TSC22D1: variants seen among roughly 807,000 people sequenced by gnomAD.
TSC22D1 encodes TSC22 domain family protein 1.
A neutral mutation model predicts 74.2 loss-of-function variants in TSC22D1; 9 were observed. The observed-to-expected ratio is 0.12, with a 90% CI of 0.07 to 0.21. TSC22D1 has a LOEUF of 0.21. Among genes scored for constraint, TSC22D1 ranks in the 10% least tolerant of loss-of-function variants. TSC22D1 has a pLI of 1.00. For missense variants in TSC22D1, 1,427 were observed against 1,304.7 expected, an observed-to-expected ratio of 1.09 and a Z score of -1.44; for synonymous variants, 586 against 492.5, an observed-to-expected ratio of 1.19 and a Z score of -2.51.
At chr13:44,530,136 T>A (rs1327872045) in intron 1 of TSC22D1, among the ~76,000 whole-genome samples, 1 of 152,022 alleles carries the variant, frequency 6.6e-6, no homozygotes, top group Non-Finnish European at 1.5e-5. Flanking sequence ...AGTCAGAGGA[T>A]TTACACTCTC....
chr13:44,554,770 G>C (rs1042966213), intron 1 of TSC22D1, among the ~76,000 whole-genome samples: 1 of 151,904 alleles, frequency 6.6e-6, no homozygotes, highest in Non-Finnish European at 1.5e-5. Context: ...TGAGGACACA[G>C]TGACCCTGAC....
In TSC22D1 at chr13:44,512,230, C is replaced by T. The variant is rs2764604; in HGVS notation, c.2912+60933G>A. 5.5e-3 allele frequency among the ~76,000 whole-genome samples: 834 copies of T among 152,196 alleles called. 13 individuals carry two copies. Among genetic ancestry groups the T allele is most frequent in the African/African-American group, 0.019 (786 of 41,542 alleles). On this transcript the variant is annotated intron_variant, in intron 1 of 2. Transcript: ENST00000458659. ...TTTCGCCCAGGCCGGAGTGCAATGGCGCTATCTTGGCTCACTGCAAGCTCC... is the reference window on the plus strand; with the variant it reads ...TTTCGCCCAGGCCGGAGTGCAATGGTGCTATCTTGGCTCACTGCAAGCTCC...
At chr13:44,480,498 A>G (rs1223085190) in intron 1 of TSC22D1, among the ~76,000 whole-genome samples, 2 of 152,238 alleles carry the variant, frequency 1.3e-5, no homozygotes, top group Non-Finnish European at 2.9e-5. Context: ...CAGATGAGAG[A>G]TGAAGGCAGC....
intron 1 of TSC22D1, among the ~76,000 whole-genome samples, chr13:44,564,912 G>A (rs1279569543): frequency 6.6e-6 from 1 of 152,072 alleles, no homozygotes; most frequent in African/African-American, 2.4e-5. Flanking sequence ...TAGAGAGCAA[G>A]GAAAAGAAAC....
intron 1 of TSC22D1, among the ~76,000 whole-genome samples, chr13:44,552,922 A>G (rs1008588558): frequency 1.3e-5 from 2 of 152,232 alleles, no homozygotes; most frequent in African/African-American, 4.8e-5. Context: ...CGGAAGGCGA[A>G]GCTTGCAGTG....
At chr13:44,444,990 G>A (rs1875519679) in intron 1 of TSC22D1, among the ~76,000 whole-genome samples, 1 of 151,978 alleles carries the variant, frequency 6.6e-6, no homozygotes, top group African/African-American at 2.4e-5. Flanking sequence ...AATATTTAAA[G>A]AAAGAAATAA....
intron 1 of TSC22D1, among the ~76,000 whole-genome samples, chr13:44,531,360 C>T (rs1371692680): frequency 2.0e-5 from 3 of 152,122 alleles, no homozygotes; most frequent in Non-Finnish European, 4.4e-5. Flanking sequence ...TATGCAAATG[C>T]ATTATCAATG....
intron 1 of TSC22D1, among the ~76,000 whole-genome samples, chr13:44,480,430 G>A (rs913268435): frequency 2.6e-5 from 4 of 152,146 alleles, no homozygotes; most frequent in Admixed American, 6.5e-5. Flanking sequence ...GGGACATAAA[G>A]ATTCTAATGA....
intron 1 of TSC22D1, among the ~76,000 whole-genome samples, chr13:44,453,422 T>A (rs1876316428): frequency 6.6e-6 from 1 of 152,238 alleles, no homozygotes. Flanking sequence ...AAACTATCAG[T>A]AGATTTCGGT....
chr13:44,511,688 C>T (rs1595127775), intron 1 of TSC22D1, among the ~76,000 whole-genome samples: 1 of 151,024 alleles, frequency 6.6e-6, no homozygotes, highest in African/African-American at 2.4e-5. Context: ...AATCAGACAA[C>T]CAAGCCAAAA....
At chr13:44,532,208 C>T (rs1010447699) in intron 1 of TSC22D1, among the ~76,000 whole-genome samples, 1 of 152,154 alleles carries the variant, frequency 6.6e-6, no homozygotes, top group African/African-American at 2.4e-5. Flanking sequence ...GTGCAAAATA[C>T]AAATACTTTG....
chr13:44,489,906 A>G (rs1878622368), intron 1 of TSC22D1, among the ~76,000 whole-genome samples: 1 of 152,170 alleles, frequency 6.6e-6, no homozygotes, highest in African/African-American at 2.4e-5. Context: ...GATGGATGGA[A>G]TGTGGAACAG....
intron 1 of TSC22D1, among the ~76,000 whole-genome samples, chr13:44,560,700 G>C (rs1210425434): frequency 6.6e-6 from 1 of 152,132 alleles, no homozygotes; most frequent in Non-Finnish European, 1.5e-5. Flanking sequence ...ATACAGTGGA[G>C]GCAATACGAC....
Position 44,575,853 on chromosome 13 carries a change from C to G in TSC22D1, c.222G>C (p.Thr74=). Residue 74 remains threonine (T), a synonymous_variant, in exon 1 of 3, where the codon ACG becomes ACC. Coordinates refer to ENST00000458659, the MANE Select transcript of TSC22D1 (RefSeq NM_183422.4). ...GTGGAGGCGGAGGCTGTGGTCCCGA[C>G]GTAGAAGATGCTGCAGGGGGCGGCG... ...LQPPPPAASS[T]SGPQPPPPQS... The G allele has an allele frequency of 6.2e-7, 1 of 1,613,974 alleles. No homozygotes were observed. Among genetic ancestry groups the G allele is most frequent in the East Asian group, 2.2e-5 (1 of 44,864 alleles).
chr13:44,547,583 G>A (rs1162025171), intron 1 of TSC22D1, among the ~76,000 whole-genome samples: 1 of 152,036 alleles, frequency 6.6e-6, no homozygotes. Context: ...CTCCTCATTT[G>A]TTTCTTCAAA....
rs988357654 is a variant in TSC22D1 at position 44,537,001 on chromosome 13, A to G, written c.2912+36162T>C. Reference sequence around the variant, plus strand: ...ACAGAAAGAATACATATTCAGAAATATTTAGAGAAAGACACAGAAAATTAA... The same window carrying G: ...ACAGAAAGAATACATATTCAGAAATGTTTAGAGAAAGACACAGAAAATTAA... On this transcript the variant is annotated intron_variant, in intron 1 of 2. Coordinates refer to ENST00000458659, the MANE Select transcript of TSC22D1 (RefSeq NM_183422.4). 4 of 971,610 alleles carry G rather than the reference A, an allele frequency of 4.1e-6. No individual in the cohort carries two copies. The African/African-American group carries it at 7.1e-5, about 17-fold the overall frequency. The allele number at this position is 971,610 out of a possible 1,614,324, so 60.2% of individuals were successfully genotyped here. A position where few individuals can be genotyped will look rare whatever the true frequency, so the allele number is the denominator to read the frequency against.
intron 1 of TSC22D1, chr13:44,436,731 C>T (rs11552414): frequency 0.1 from 154,337 of 1,491,558 alleles, 8,566 homozygotes; most frequent in African/African-American, 0.2. Context: ...CAGGGAGAAA[C>T]AGAAAACGGC....
intron 1 of TSC22D1, among the ~76,000 whole-genome samples, chr13:44,552,276 T>C (rs534231092): frequency 6.6e-6 from 1 of 152,294 alleles, no homozygotes. Flanking sequence ...ACCTAGGAAA[T>C]GGATAAATAA....
Position 44,575,038 on chromosome 13 carries a change from G to T in TSC22D1, c.1037C>A (p.Ala346Asp), listed in dbSNP as rs1275432395. ...TCCAGGCCCAACACTCACACCAGCA[G>T]CACTAGGAATATTGCTTGTACTTAT... ...VNISTSNIPS[A>D]AGVSVGPGVT... The change falls in exon 1 of 3, where the codon GCT becomes GAT. Residue 346 changes from alanine to aspartate, a missense_variant. Physicochemically the swap from Ala to Asp is moderately radical, Grantham distance 126. Around this residue, in one of 3 missense-constraint regions of TSC22D1, gnomAD observed 1,343 missense variants for 1,191.5 expected, o/e 1.13. Transcript: ENST00000458659. The T allele has an allele frequency of 1.1e-5, 18 of 1,613,982 alleles. No homozygotes were observed. Among genetic ancestry groups the T allele is most frequent in the Non-Finnish European group, 1.5e-5 (18 of 1,180,036 alleles).
Sources: allele counts gnomAD v4.1 joint callset (sites outside exome capture counted in the v4.1 genomes callset), GRCh38; gene constraint gnomAD v4.1.1; regional missense constraint gnomAD v4.1.1; transcripts MANE v1.5; gene names NCBI Gene and HGNC (gene_info 2026-07-23, HGNC 2026-07-21).